The following WWOX variants were observed in gnomAD, a reference collection of about 807,000 sequenced individuals.
The protein encoded by WWOX is WW domain containing oxidoreductase.
A neutral mutation model predicts 46.2 loss-of-function variants in WWOX; 69 were observed. The ratio of observed to expected loss-of-function variants is 1.49; its 90% CI spans 1.23 to 1.82. WWOX has a LOEUF of 1.82. WWOX is among the 40% of genes most tolerant of loss of function. WWOX has a pLI of 0.00. For missense variants in WWOX, 919 were observed against 542.6 expected (o/e 1.69, Z -6.89); for synonymous variants, 359 against 202.6 (o/e 1.77, Z -6.56).
intron 8 of WWOX, among the ~76,000 whole-genome samples, chr16:78,480,877 C>G (rs755988368): frequency 2.0e-5 from 3 of 152,112 alleles, no homozygotes; most frequent in Non-Finnish European, 4.4e-5. Context: ...CTAAAGCAAC[C>G]GTCACAGAAT....
intron 8 of WWOX, among the ~76,000 whole-genome samples, chr16:79,194,298 T>G (rs1041294638): frequency 3.3e-5 from 5 of 152,176 alleles, no homozygotes; most frequent in African/African-American, 1.2e-4. Context: ...CAAAGGAAAT[T>G]TGAGCATTCA....
intron 8 of WWOX, among the ~76,000 whole-genome samples, chr16:78,620,765 C>A (rs916244989): frequency 6.6e-6 from 1 of 152,004 alleles, no homozygotes; most frequent in Non-Finnish European, 1.5e-5. Context: ...TTAGTGAGCT[C>A]TGCTGGCAAG....
At chr16:78,717,691 A>T (rs1394028765) in intron 8 of WWOX, among the ~76,000 whole-genome samples, 1 of 152,220 alleles carries the variant, frequency 6.6e-6, no homozygotes, top group Non-Finnish European at 1.5e-5. Flanking sequence ...CTGAAGGGCA[A>T]GACTTCATTG....
chr16:79,028,196 G>C (rs2047683782), intron 8 of WWOX, among the ~76,000 whole-genome samples: 1 of 151,204 alleles, frequency 6.6e-6, no homozygotes, highest in African/African-American at 2.5e-5. Flanking sequence ...TGATCCACCT[G>C]CCTTGGCCTC....
At chr16:79,136,123 C>T (rs1193685751) in intron 8 of WWOX, among the ~76,000 whole-genome samples, 1 of 152,104 alleles carries the variant, frequency 6.6e-6, no homozygotes. Flanking sequence ...CAAAGCTAGT[C>T]AACGTCCAAC....
intron 8 of WWOX, among the ~76,000 whole-genome samples, chr16:78,633,503 G>A (rs2046490442): frequency 6.6e-6 from 1 of 152,192 alleles, no homozygotes; most frequent in African/African-American, 2.4e-5. Flanking sequence ...GTTAGGTCCT[G>A]CCCGTGTTCT....
At chr16:78,723,599 TTTCTTTTCTTTTCTTTTC>T (rs1223167576) in intron 8 of WWOX, among the ~76,000 whole-genome samples, 3 of 27,002 alleles carry the variant, frequency 1.1e-4, no homozygotes, top group African/African-American at 4.7e-4. Context: ...TTTCTTTTCT[TTTCTTTTCTTTTCTTTTC>T]TTTTCTTTTC....
At chr16:78,723,135 C>T (rs1469883796) in intron 8 of WWOX, among the ~76,000 whole-genome samples, 1 of 152,204 alleles carries the variant, frequency 6.6e-6, no homozygotes, top group Non-Finnish European at 1.5e-5. Flanking sequence ...ATCATCCCGT[C>T]AACTGCTGGC....
chr16:78,741,234 A>T (rs948587434), intron 8 of WWOX, among the ~76,000 whole-genome samples: 1 of 152,022 alleles, frequency 6.6e-6, no homozygotes, highest in South Asian at 2.1e-4. Context: ...GCATTTACTG[A>T]CTCCTTAGCA....
In WWOX at chr16:78,429,789, G is replaced by C. The variant is rs115008865; in HGVS notation, c.792-2699G>C. On this transcript the variant is annotated intron_variant, in intron 7 of 8. Transcript: ENST00000566780. ...AATATATTTTCAATTCGATATGATA[G>C]CTTTACTGTAATGAAAGAAAAAATA... is the stretch of plus-strand genomic sequence containing the variant. Among the ~76,000 whole-genome samples, 180 of 152,308 alleles carry C rather than the reference G, an allele frequency of 1.2e-3. 1 individual carries two copies. Among genetic ancestry groups the C allele is most frequent in the African/African-American group, 4.1e-3 (170 of 41,574 alleles).
intron 8 of WWOX, among the ~76,000 whole-genome samples, chr16:78,470,514 A>G (rs1352659071): frequency 6.6e-6 from 1 of 151,770 alleles, no homozygotes; most frequent in Non-Finnish European, 1.5e-5. Flanking sequence ...TCATGTATGT[A>G]TATATGTATG....
chr16:78,430,162 A>G (rs1421459457), intron 7 of WWOX, among the ~76,000 whole-genome samples: 1 of 152,186 alleles, frequency 6.6e-6, no homozygotes, highest in African/African-American at 2.4e-5. Context: ...CAGGCAACAG[A>G]GTATGTGCAG....
intron 5 of WWOX, among the ~76,000 whole-genome samples, chr16:78,263,652 A>C (rs1244063755): frequency 6.6e-6 from 1 of 152,216 alleles, no homozygotes; most frequent in African/African-American, 2.4e-5. Context: ...AAAAGAAAGA[A>C]GTGCCACCAG....
intron 8 of WWOX, chr16:79,196,415 G>A (rs777758806): frequency 7.2e-5 from 11 of 152,128 alleles, no homozygotes; most frequent in Admixed American, 1.3e-4. Flanking sequence ...GGGACCTTCA[G>A]CTGAGGAACA....
At chr16:79,027,234 C>G (rs1216564604) in intron 8 of WWOX, among the ~76,000 whole-genome samples, 5 of 142,490 alleles carry the variant, frequency 3.5e-5, no homozygotes, top group Non-Finnish European at 7.5e-5. Flanking sequence ...GGGCTGTGAT[C>G]ATGCCACTGC....
intron 8 of WWOX, among the ~76,000 whole-genome samples, chr16:79,116,261 G>A (rs558893438): frequency 4.5e-4 from 68 of 152,226 alleles, no homozygotes; most frequent in African/African-American, 1.6e-3. Flanking sequence ...CAAGGATAAA[G>A]CTTGCTGCAT....
intron 8 of WWOX, among the ~76,000 whole-genome samples, chr16:79,042,431 G>C (rs911943260): frequency 1.3e-5 from 2 of 152,182 alleles, no homozygotes; most frequent in African/African-American, 4.8e-5. Flanking sequence ...CTGTGCTGGA[G>C]AGATTGATTC....
intron 8 of WWOX, among the ~76,000 whole-genome samples, chr16:78,594,662 G>T (rs1408062339): frequency 6.6e-6 from 1 of 151,974 alleles, no homozygotes; most frequent in African/African-American, 2.4e-5. Context: ...ATTTCTCAGG[G>T]CAGCGTGGGA....
chr16:78,893,716 A>G (rs2044640369), intron 8 of WWOX, among the ~76,000 whole-genome samples: 1 of 152,128 alleles, frequency 6.6e-6, no homozygotes. Context: ...CTGTGAACTC[A>G]TTAGCTTCCC....
Sources: allele counts gnomAD v4.1 joint callset (sites outside exome capture counted in the v4.1 genomes callset), GRCh38; gene constraint gnomAD v4.1.1; transcripts MANE v1.5; gene names NCBI Gene and HGNC (gene_info 2026-07-23, HGNC 2026-07-21).